Variants in TTYH2 observed in about 807,000 individuals in gnomAD.
TTYH2 encodes the protein protein tweety homolog 2.
Under a neutral mutation model 68.3 loss-of-function variants are expected in TTYH2, and 49 were observed. That is an observed-to-expected ratio of 0.72 (90% CI 0.57 to 0.91). The LOEUF (loss-of-function observed/expected upper bound fraction) is 0.91. Ranked by LOEUF, TTYH2 falls within the 40% of genes least tolerant of loss-of-function variation. The pLI is 0.00. For synonymous variants in TTYH2, 272 were observed against 300.8 expected (o/e 0.90, Z 0.99); for missense variants, 631 against 700.4 (o/e 0.90, Z 1.12).
intron 13 of TTYH2, among the ~76,000 whole-genome samples, chr17:74,257,767 G>C (rs1173685212): frequency 6.6e-6 from 1 of 152,202 alleles, no homozygotes; most frequent in Non-Finnish European, 1.5e-5. Flanking sequence ...CTTCTCTTCA[G>C]ACTTACAGAA....
In TTYH2 at chr17:74,222,362, C is replaced by A; in HGVS notation, c.130-123C>A. The A allele has an allele frequency of 8.4e-7, 1 of 1,189,024 alleles. No individual in the cohort carries two copies. The highest frequency in any genetic ancestry group is 1.2e-6 in the Non-Finnish European group (1 of 865,976). The allele number at this position is 1,189,024 out of a possible 1,614,324, so 73.7% of individuals were successfully genotyped here. A position where few individuals can be genotyped will look rare whatever the true frequency, so the allele number is the denominator to read the frequency against. ...GTAGGAGCTTGAACCCTAGGTGGAGCTTGGAAGGATGGACGAGAGATGCAG... is the reference window on the plus strand; with the variant it reads ...GTAGGAGCTTGAACCCTAGGTGGAGATTGGAAGGATGGACGAGAGATGCAG... On this transcript the variant is annotated intron_variant, in intron 1 of 13. Transcript: ENST00000269346. The surrounding 1 kb of genome is among the most constrained non-coding windows in gnomAD (Gnocchi z 5.2).
intron 2 of TTYH2, among the ~76,000 whole-genome samples, chr17:74,230,522 A>G (rs1183889991): frequency 6.6e-6 from 1 of 151,840 alleles, no homozygotes; most frequent in African/African-American, 2.4e-5. Context: ...TGGATGTACC[A>G]CTCTGGTGCA....
At chr17:74,227,624 G>A (rs1197111049) in intron 2 of TTYH2, among the ~76,000 whole-genome samples, 4 of 152,118 alleles carry the variant, frequency 2.6e-5, no homozygotes, top group Non-Finnish European at 5.9e-5. Flanking sequence ...ATTTAACTGG[G>A]TTCAAAGCTA....
In TTYH2 at chr17:74,241,355, TCTGAG is replaced by T. The variant is rs1382941039; in HGVS notation, c.636-2016_636-2012del. ...GATGGTTTGCGAGGTTCCTTCCAGC[TCTGAG>T]CTAAGTCTAAGGAAACTGGCTTCTT... On this transcript the variant is annotated intron_variant, in intron 4 of 13. Coordinates refer to ENST00000269346, the MANE Select transcript of TTYH2 (RefSeq NM_032646.6). The surrounding 1 kb of genome is among the most constrained non-coding windows in gnomAD (Gnocchi z 4.1). Among the ~76,000 whole-genome samples the T allele has an allele frequency of 1.3e-5, 2 of 152,006 alleles. No homozygotes were observed. Among genetic ancestry groups the T allele is most frequent in the African/African-American group, 4.8e-5 (2 of 41,472 alleles).
chr17:74,243,936 G>A (rs1277769976), intron 5 of TTYH2, 41 bp from the exon 6 acceptor site: 3 of 1,599,728 alleles, frequency 1.9e-6, no homozygotes, highest in Non-Finnish European at 2.6e-6. Context: ...TGAGAGGAAG[G>A]GGACCCCGCC....
In TTYH2 at chr17:74,215,735, C is replaced by G; in HGVS notation, c.129+2019C>G. The G allele has an allele frequency of 1.3e-6, 2 of 1,532,520 alleles. No homozygotes were observed. Among genetic ancestry groups the G allele is most frequent in the African/African-American group, 1.4e-5 (1 of 73,084 alleles). 94.9% of individuals were successfully genotyped at this position (1,532,520 alleles called of 1,614,324 possible). A position where few individuals can be genotyped will look rare whatever the true frequency, so the allele number is the denominator to read the frequency against. On this transcript the variant is annotated intron_variant, in intron 1 of 13. Transcript: ENST00000269346. This position sits in a 1 kb window ranked among gnomAD's most constrained non-coding sequence, Gnocchi z 4.3. ...TTGGTAAGTTCCCCTGTTGTGACCA[C>G]AGGTCTCTCCTGGATGTCTTCTTTC... is the stretch of plus-strand genomic sequence containing the variant.
rs761211360 is a variant in TTYH2, at chr17:74,250,360, G to T, written c.1116+3G>T. 2 of 1,612,334 alleles carry T rather than the reference G, an allele frequency of 1.2e-6. No homozygotes were observed. The highest frequency in any genetic ancestry group is 1.7e-6 in the Non-Finnish European group (2 of 1,179,034). ...TGGACTGCCGAGGGCTGCACAAGGTGCATGGGGACCCTGGGGTCACGTGGA... is the reference window on the plus strand; with the variant it reads ...TGGACTGCCGAGGGCTGCACAAGGTTCATGGGGACCCTGGGGTCACGTGGA... On this transcript the variant is annotated splice_donor_region_variant and intron_variant, in intron 10 of 13. Coordinates refer to ENST00000269346, the MANE Select transcript of TTYH2 (RefSeq NM_032646.6).
At chr17:74,220,042 T>A (rs955841593) in intron 1 of TTYH2, among the ~76,000 whole-genome samples, 3 of 151,680 alleles carry the variant, frequency 2.0e-5, no homozygotes, top group African/African-American at 7.3e-5. Flanking sequence ...GATCTCAGCA[T>A]GTTGCCTAGC....
At chr17:74,250,087 T>TGCCCCG (rs894880429) in intron 9 of TTYH2, 59 bp downstream of exon 9, 2 of 1,586,586 alleles carry the variant, frequency 1.3e-6, no homozygotes, top group African/African-American at 2.7e-5. Flanking sequence ...CCCTTTCCCC[T>TGCCCCG]GCCCCGGCCC....
intron 2 of TTYH2, among the ~76,000 whole-genome samples, chr17:74,225,016 C>A (rs1464258851): frequency 6.8e-6 from 1 of 147,624 alleles, no homozygotes; most frequent in African/African-American, 2.6e-5. Flanking sequence ...AAAAAAACAA[C>A]CAAAAAACTA....
rs146145274 is a variant in TTYH2, at chr17:74,249,061, G to A, written c.855G>A (p.Thr285=). The change falls in exon 7 of 14, where the codon ACG becomes ACA. Residue 285 remains threonine (T), a synonymous_variant. Coordinates refer to ENST00000269346, the MANE Select transcript of TTYH2 (RefSeq NM_032646.6). ...VAPDTFILNV[T]EGQISTEVTR... is the part of the protein sequence containing the mutation. ...CTGACACCTTCATCCTGAACGTCAC[G>A]GAGGGCCAGATCAGCACAGGTAACT... 540 of 1,614,176 alleles carry A rather than the reference G, an allele frequency of 3.3e-4. 3 individuals carry two copies. The highest frequency in any genetic ancestry group is 1.8e-3 in the South Asian group (164 of 91,078).
chr17:74,213,768 C>G lies in TTYH2; in HGVS notation c.129+52C>G, dbSNP rs770573832. The G allele has an allele frequency of 3.1e-6, 5 of 1,588,608 alleles. No homozygotes were observed. The Admixed American group carries it at 8.6e-5, about 27-fold the overall frequency. On this transcript the variant is annotated intron_variant, in intron 1 of 13. Coordinates refer to ENST00000269346, the MANE Select transcript of TTYH2 (RefSeq NM_032646.6). The surrounding 1 kb of genome is among the most constrained non-coding windows in gnomAD (Gnocchi z 6.1). ...GCCACGCGCGCCCCAAGTCCCCGCA[C>G]TACCCCCTCTCCCCTCGAGAGCCTG...
chr17:74,222,718 T>C lies in TTYH2; in HGVS notation c.302+61T>C, dbSNP rs73995086. ...ACTCAGTCTGCAAGGGGCCAGGGAC[T>C]GTTTGACCATGTTCTGACGGAGCTC... On this transcript the variant is annotated intron_variant, in intron 2 of 13. Transcript: ENST00000269346. This position sits in a 1 kb window ranked among gnomAD's most constrained non-coding sequence, Gnocchi z 5.2. 2,993 of 1,497,302 alleles carry C rather than the reference T, an allele frequency of 2.0e-3. 58 individuals carry two copies. The African/African-American group carries it at 0.035, about 18-fold the overall frequency. The allele number at this position is 1,497,302 out of a possible 1,614,324, so 92.8% of individuals were successfully genotyped here. A position where few individuals can be genotyped will look rare whatever the true frequency, so the allele number is the denominator to read the frequency against.
chr17:74,216,431 T>A (rs181015371), intron 1 of TTYH2, among the ~76,000 whole-genome samples: 73 of 152,176 alleles, frequency 4.8e-4, no homozygotes, highest in African/African-American at 1.5e-3. Context: ...AAGGGGGTTC[T>A]TGGAAGTGCA....
Position 74,215,668 on chromosome 17 carries a change from C to T in TTYH2, c.129+1952C>T, listed in dbSNP as rs369444261. On this transcript the variant is annotated intron_variant, in intron 1 of 13. Transcript: ENST00000269346. This position sits in a 1 kb window ranked among gnomAD's most constrained non-coding sequence, Gnocchi z 4.3. ...GGAGATGAGCGTGGTGGGCCAGGAC[C>T]GGAAGTCTGGCTCTGGGTGTTATTT... is the stretch of plus-strand genomic sequence containing the variant. The T allele has an allele frequency of 3.2e-5, 49 of 1,535,542 alleles. No homozygotes were observed. The highest frequency in any genetic ancestry group is 1.6e-4 in the Admixed American group (8 of 50,976).
At chr17:74,228,056 TC>T in intron 2 of TTYH2, among the ~76,000 whole-genome samples, 2 of 148,806 alleles carry the variant, frequency 1.3e-5, no homozygotes, top group Middle Eastern at 7.1e-3. Flanking sequence ...CAATCGTTGC[TC>T]CCTGCAACCT....
At chr17:74,244,164 C>A in intron 6 of TTYH2, 115 bp downstream of exon 6, 1 of 1,022,010 alleles carries the variant, frequency 9.8e-7, no homozygotes, top group Non-Finnish European at 1.4e-6. Flanking sequence ...ATCCCAGAAT[C>A]TCAGAACCAA....
chr17:74,260,402 T>C lies in TTYH2; in HGVS notation c.*193T>C. On this transcript the variant is annotated 3_prime_UTR_variant, in exon 14 of 14. Coordinates refer to ENST00000269346, the MANE Select transcript of TTYH2 (RefSeq NM_032646.6). ...GACTCACCACGCGGGCCAGCCTCTC[T>C]CTTTTGCCCTGCTCTCCACACCAGA... is the stretch of plus-strand genomic sequence containing the variant. 1.6e-6 allele frequency: 1 copy of C among 606,766 alleles called. No homozygotes were observed. Among genetic ancestry groups the C allele is most frequent in the Admixed American group, 2.7e-5 (1 of 37,258 alleles). The allele number at this position is 606,766 out of a possible 1,614,324, so 37.6% of individuals were successfully genotyped here.
At chr17:74,253,354 G>C in intron 12 of TTYH2, 88 bp downstream of exon 12, 2 of 1,456,404 alleles carry the variant, frequency 1.4e-6, no homozygotes, top group African/African-American at 1.4e-5. Context: ...GGGGAGGAAG[G>C]CATCCAAGGC....
Sources: gnomAD v4.1 joint callset for allele counts (sites outside exome capture counted in the v4.1 genomes callset) on GRCh38, gnomAD v4.1.1 for gene constraint, Gnocchi (gnomAD v3.1) non-coding constraint, MANE v1.5 for transcripts, NCBI Gene and HGNC (gene_info 2026-07-23, HGNC 2026-07-21) for gene names.